RAB3IP: variants seen among roughly 807,000 people sequenced by gnomAD.
The protein encoded by RAB3IP is rab-3A-interacting protein.
In RAB3IP, 36 loss-of-function variants were observed where a neutral mutation model predicts 59.1. The observed-to-expected ratio is 0.61, with a 90% CI of 0.47 to 0.80. RAB3IP has a LOEUF of 0.80. Among genes scored for constraint, RAB3IP ranks in the 30% least tolerant of loss-of-function variants. RAB3IP has a pLI of 0.00. For missense variants in RAB3IP, 511 were observed against 536.0 expected, an observed-to-expected ratio of 0.95 and a Z score of 0.46; for synonymous variants, 207 against 191.2, an observed-to-expected ratio of 1.08 and a Z score of -0.68.
chr12:69,789,660 A>G (rs940262367), intron 4 of RAB3IP, among the ~76,000 whole-genome samples: 3 of 152,190 alleles, frequency 2.0e-5, no homozygotes, highest in Non-Finnish European at 4.4e-5. Context: ...AATATTCTCA[A>G]TGGACATAGG....
chr12:69,780,165 C>A (rs1035930819), intron 3 of RAB3IP, among the ~76,000 whole-genome samples: 4 of 152,158 alleles, frequency 2.6e-5, no homozygotes, highest in African/African-American at 9.7e-5. Flanking sequence ...GGCCAACGAC[C>A]CGAACCTGGA....
At chr12:69,750,181 T>C (rs1185346573) in intron 1 of RAB3IP, among the ~76,000 whole-genome samples, 1 of 152,156 alleles carries the variant, frequency 6.6e-6, no homozygotes, top group Non-Finnish European at 1.5e-5. Flanking sequence ...ATGCTTAATA[T>C]TTAGTAAGTG....
At chr12:69,784,878 A>G in intron 4 of RAB3IP, 63 bp downstream of exon 4, 1 of 908,200 alleles carries the variant, frequency 1.1e-6, no homozygotes, top group Non-Finnish European at 1.8e-6. Flanking sequence ...ACAAAATTGT[A>G]TTTTGAGGGA....
At chr12:69,755,730 G>A in intron 2 of RAB3IP, 71 bp downstream of exon 2, 2 of 1,308,132 alleles carry the variant, frequency 1.5e-6, no homozygotes, top group East Asian at 2.4e-5. Flanking sequence ...TATATTTTAA[G>A]TTTTACTATT....
At position 69,815,660 on chromosome 12, in the gene RAB3IP, C is replaced by G; in HGVS notation, c.*214C>G. 1 of 328,218 alleles carries G rather than the reference C, an allele frequency of 3.0e-6. No homozygotes were observed. The highest frequency in any genetic ancestry group is 5.5e-6 in the Non-Finnish European group (1 of 182,940). 20.3% of individuals were successfully genotyped at this position (328,218 alleles called of 1,614,324 possible). On this transcript the variant is annotated 3_prime_UTR_variant, in exon 11 of 11. Coordinates refer to ENST00000247833, the MANE Select transcript of RAB3IP (RefSeq NM_022456.5). ...CACACTATGAAGAATTCCAGGTGTACTAGTGAATGTAATTTATAGTTGCCA... is the reference window on the plus strand; with the variant it reads ...CACACTATGAAGAATTCCAGGTGTAGTAGTGAATGTAATTTATAGTTGCCA...
At chr12:69,800,010 T>C (rs1287239554) in intron 6 of RAB3IP, among the ~76,000 whole-genome samples, 199 bp from the exon 7 acceptor site, 4 of 132,388 alleles carry the variant, frequency 3.0e-5, no homozygotes, top group Non-Finnish European at 4.8e-5. Flanking sequence ...CCAGGTATTA[T>C]GCTACCAGGT....
At position 69,755,448 on chromosome 12, in the gene RAB3IP, C is replaced by G. The variant is rs771686050; in HGVS notation, c.40C>G (p.Leu14Val). The G allele has an allele frequency of 6.2e-7, 1 of 1,613,910 alleles. No individual in the cohort carries two copies. Among genetic ancestry groups the G allele is most frequent in the South Asian group, 1.1e-5 (1 of 91,072 alleles). The change falls in exon 2 of 11, where the codon CTT (leucine) becomes GTT (valine). Residue 14 changes from leucine to valine, a missense_variant. By Grantham distance (32) the Leu-to-Val change is conservative. Transcript: ENST00000247833. Reference protein sequence around the residue: ...DPLEGFHEVNLASPTSPDLLG... With the variant: ...DPLEGFHEVNVASPTSPDLLG... ...CTTGGAAGGCTTCCATGAAGTAAAC[C>G]TTGCTTCACCTACTTCTCCGGACCT...
At chr12:69,788,308 C>T (rs1378714762) in intron 4 of RAB3IP, among the ~76,000 whole-genome samples, 1 of 152,110 alleles carries the variant, frequency 6.6e-6, no homozygotes, top group Non-Finnish European at 1.5e-5. Context: ...GCCTATTACA[C>T]ACCTTGGCTA....
Position 69,795,241 on chromosome 12 carries a change from C to G in RAB3IP, c.785C>G (p.Pro262Arg), listed in dbSNP as rs1021720956. Residue 262 changes from proline to arginine, a missense_variant, in exon 6 of 11, where the codon CCT (proline) becomes CGT (arginine). By Grantham distance (103) the Pro-to-Arg change is moderately radical. Coordinates refer to ENST00000247833, the MANE Select transcript of RAB3IP (RefSeq NM_022456.5). The stretch of plus-strand genomic sequence containing the variant: ...GAGCCTTTGCCAGGTGGAAAGACAC[C>G]TTTTAAAAAGGGGCATACAAGAAAT... Reference protein sequence around the residue: ...TQEPLPGGKTPFKKGHTRNKS... With the variant: ...TQEPLPGGKTRFKKGHTRNKS... The G allele has an allele frequency of 1.2e-6, 2 of 1,613,856 alleles. No individual in the cohort carries two copies. The highest frequency in any genetic ancestry group is 3.3e-5 in the Admixed American group (2 of 59,956).
chr12:69,761,106 A>T (rs1219527251), intron 3 of RAB3IP, among the ~76,000 whole-genome samples: 1 of 151,812 alleles, frequency 6.6e-6, no homozygotes, highest in Non-Finnish European at 1.5e-5. Flanking sequence ...TTTTTTCCTC[A>T]CTGTGTTTCA....
intron 1 of RAB3IP, among the ~76,000 whole-genome samples, chr12:69,747,836 A>T (rs967182643): frequency 6.6e-6 from 1 of 152,196 alleles, no homozygotes; most frequent in African/African-American, 2.4e-5. Flanking sequence ...TTGGGCTCAG[A>T]TAAGTTACCT....
chr12:69,811,536 G>A (rs1050534547), intron 8 of RAB3IP, among the ~76,000 whole-genome samples: 1 of 152,172 alleles, frequency 6.6e-6, no homozygotes, highest in African/African-American at 2.4e-5. Flanking sequence ...TTGGTTTTTA[G>A]CAGCTTAATG....
At chr12:69,741,681 AT>A (rs952985123) in intron 1 of RAB3IP, among the ~76,000 whole-genome samples, 2 of 152,320 alleles carry the variant, frequency 1.3e-5, no homozygotes, top group Admixed American at 1.3e-4. Flanking sequence ...CTGAGACCTT[AT>A]GTAGTTTGCT....
chr12:69,808,599 C>T (rs1879866698), intron 8 of RAB3IP, among the ~76,000 whole-genome samples: 1 of 152,126 alleles, frequency 6.6e-6, no homozygotes, highest in African/African-American at 2.4e-5. Context: ...GTATTGGGTG[C>T]ATATATATTT....
rs1881364557 is a variant in RAB3IP at position 69,818,431 on chromosome 12, CAG to C, written c.*2988_*2989del. 1 of 148,882 alleles carries C rather than the reference CAG, an allele frequency of 6.7e-6. No homozygotes were observed. Among genetic ancestry groups the C allele is most frequent in the Non-Finnish European group, 1.5e-5 (1 of 67,586 alleles). 9.2% of individuals were successfully genotyped at this position (148,882 alleles called of 1,614,324 possible). ...GCCACTGCACTCTTACCTTGGGTGA[CAG>C]AGTAAGATCATACCTTAAAAAAAAA... On this transcript the variant is annotated 3_prime_UTR_variant, in exon 11 of 11. Transcript: ENST00000247833.
chr12:69,771,673 T>G (rs1457962010), intron 3 of RAB3IP, among the ~76,000 whole-genome samples: 2 of 152,240 alleles, frequency 1.3e-5, no homozygotes, highest in African/African-American at 2.4e-5. Context: ...TTCCCAGTAG[T>G]GGAATTGCTG....
chr12:69,744,750 A>T (rs1169389870), intron 1 of RAB3IP, among the ~76,000 whole-genome samples: 1 of 152,040 alleles, frequency 6.6e-6, no homozygotes, highest in African/African-American at 2.4e-5. Flanking sequence ...GATCTATTAT[A>T]ATAAAAATGG....
In RAB3IP at chr12:69,761,288, A is replaced by G. The variant is rs181213972; in HGVS notation, c.510+4625A>G. 7.9e-4 allele frequency among the ~76,000 whole-genome samples: 121 copies of G among 152,210 alleles called. 3 individuals are homozygous for G. The East Asian group carries it at 0.02, about 25-fold the overall frequency. On this transcript the variant is annotated intron_variant, in intron 3 of 10. Coordinates refer to ENST00000247833, the MANE Select transcript of RAB3IP (RefSeq NM_022456.5). ...TGCTTGCTCTGCTTAATATGTTGGG[A>G]TGCAGTTTAATAAATGTTTTGTTTC...
At position 69,822,572 on chromosome 12, in the gene RAB3IP, G is replaced by A. The variant is rs1000461252; in HGVS notation, c.*7126G>A. ...GGAGGATAAAGGGGTTGGGTAATGG[G>A]TGTAAAAATCTATAGAAGGAATATG... On this transcript the variant is annotated 3_prime_UTR_variant, in exon 11 of 11. Transcript: ENST00000247833. 5.3e-5 allele frequency: 8 copies of A among 152,122 alleles called. No homozygotes were observed. The highest frequency in any genetic ancestry group is 8.8e-5 in the Non-Finnish European group (6 of 68,030). 9.4% of individuals were successfully genotyped at this position (152,122 alleles called of 1,614,324 possible). A position where few individuals can be genotyped will look rare whatever the true frequency, so the allele number is the denominator to read the frequency against.
Sources: allele counts gnomAD v4.1 joint callset (sites outside exome capture counted in the v4.1 genomes callset), GRCh38; gene constraint gnomAD v4.1.1; transcripts MANE v1.5; gene names NCBI Gene and HGNC (gene_info 2026-07-23, HGNC 2026-07-21).